CDH8: variants seen among roughly 807,000 people sequenced by gnomAD.
CDH8 encodes the protein cadherin-8.
A neutral mutation model predicts 68.1 loss-of-function variants in CDH8; 17 were observed. That is an observed-to-expected ratio of 0.25 (90% CI 0.17 to 0.37). The LOEUF (loss-of-function observed/expected upper bound fraction) is 0.37, where lower values mean the gene tolerates loss of function less well. CDH8 is among the 10% of genes least tolerant of loss of function. The probability of loss-of-function intolerance (pLI) is 1.00; values close to 1 mark genes in which losing one functional copy is unlikely to be tolerated. For missense variants in CDH8, 763 were observed against 999.3 expected (o/e 0.76, Z 3.19); for synonymous variants, 372 against 365.1 (o/e 1.02, Z -0.21).
At chr16:61,948,131 GA>G (rs1964829232) in intron 2 of CDH8, among the ~76,000 whole-genome samples, 1 of 152,170 alleles carries the variant, frequency 6.6e-6, no homozygotes, top group Admixed American at 6.5e-5. Flanking sequence ...GAAAAACTAA[GA>G]AGGTGTTTGG....
At chr16:61,801,555 C>A (rs990190920) in intron 7 of CDH8, among the ~76,000 whole-genome samples, 1 of 152,178 alleles carries the variant, frequency 6.6e-6, no homozygotes, top group Non-Finnish European at 1.5e-5. Context: ...TCTGAGGTAC[C>A]GGGTTTCTCT....
intron 7 of CDH8, among the ~76,000 whole-genome samples, chr16:61,815,195 T>G (rs913071029): frequency 6.6e-6 from 1 of 152,184 alleles, no homozygotes; most frequent in Non-Finnish European, 1.5e-5. Context: ...CCCCTTTAGC[T>G]TTCCTGAAAA....
intron 10 of CDH8, among the ~76,000 whole-genome samples, chr16:61,670,875 G>A (rs1256584403): frequency 6.6e-6 from 1 of 152,038 alleles, no homozygotes; most frequent in Non-Finnish European, 1.5e-5. Context: ...AAGGCTGCAT[G>A]AGATTTTATC....
rs529685328 is a variant in CDH8 at position 61,784,812 on chromosome 16, C to T, written c.1414+4534G>A. 2.6e-5 allele frequency among the ~76,000 whole-genome samples: 4 copies of T among 152,116 alleles called. No homozygotes were observed. In the South Asian group the frequency reaches 8.3e-4, roughly 32 times the overall value. ...TCAAAGCTGCTCAACTACATGGAAA[C>T]TGAACAACCTGCTCCTGAATGACTA... On this transcript the variant is annotated intron_variant, in intron 8 of 11. Transcript: ENST00000577390.
At chr16:62,011,508 T>A (rs1423945408) in intron 2 of CDH8, among the ~76,000 whole-genome samples, 2 of 152,162 alleles carry the variant, frequency 1.3e-5, no homozygotes, top group Admixed American at 6.5e-5. Context: ...GACCCTTTTT[T>A]AAAATTGGGT....
chr16:61,788,957 A>G (rs1961311987), intron 8 of CDH8, among the ~76,000 whole-genome samples: 1 of 152,090 alleles, frequency 6.6e-6, no homozygotes, highest in Non-Finnish European at 1.5e-5. Flanking sequence ...TGTATGATTT[A>G]AATATGTGTT....
chr16:61,975,417 T>G (rs1001297335), intron 2 of CDH8, among the ~76,000 whole-genome samples: 5 of 152,194 alleles, frequency 3.3e-5, no homozygotes, highest in African/African-American at 1.2e-4. Flanking sequence ...CTGCTCTTCA[T>G]GTCTCTGTCA....
intron 8 of CDH8, among the ~76,000 whole-genome samples, chr16:61,741,384 A>G (rs1959868074): frequency 6.6e-6 from 1 of 152,134 alleles, no homozygotes; most frequent in Non-Finnish European, 1.5e-5. Context: ...TAAATTCTTA[A>G]TTCAATCAAT....
At chr16:61,708,441 T>C (rs936818340) in intron 10 of CDH8, among the ~76,000 whole-genome samples, 2 of 152,184 alleles carry the variant, frequency 1.3e-5, no homozygotes, top group African/African-American at 4.8e-5. Context: ...TTTCAACATG[T>C]ATAAAGAAAA....
intron 2 of CDH8, among the ~76,000 whole-genome samples, chr16:61,990,955 A>G (rs1038749495): frequency 5.3e-5 from 8 of 151,528 alleles, no homozygotes; most frequent in African/African-American, 1.2e-4. Context: ...AGAGAGAGAA[A>G]AAAGAAAGAA....
intron 2 of CDH8, among the ~76,000 whole-genome samples, chr16:62,010,618 C>T (rs1418897363): frequency 6.6e-6 from 1 of 152,120 alleles, no homozygotes; most frequent in African/African-American, 2.4e-5. Context: ...TAGATACTAT[C>T]ATTTTATTCA....
chr16:61,943,073 A>G (rs149280369), intron 2 of CDH8, among the ~76,000 whole-genome samples: 47 of 152,276 alleles, frequency 3.1e-4, no homozygotes, highest in African/African-American at 1.1e-3. Flanking sequence ...AAAAGACAAA[A>G]TCAAACCAAA....
rs2142735412 is a variant in CDH8 at position 61,653,991 on chromosome 16, C to T, written c.2017G>A (p.Gly673Arg). The change falls in exon 12 of 12, where the codon GGG (glycine) becomes AGG (arginine). Residue 673 changes from glycine (G) to arginine (R), a missense_variant. By Grantham distance (125) the Gly-to-Arg change is moderately radical. Transcript: ENST00000577390. ...TCAAAAGCCTCTGTGTCCTCCTCCC[C>T]TCCTCCTTCATCATCGTAGCGAATG... ...NIIRYDDEGG[G>R]EEDTEAFDIA... 1 of 1,614,124 alleles carries T rather than the reference C, an allele frequency of 6.2e-7. No homozygotes were observed. Among genetic ancestry groups the T allele is most frequent in the Non-Finnish European group, 8.5e-7 (1 of 1,179,994 alleles).
intron 8 of CDH8, among the ~76,000 whole-genome samples, chr16:61,768,386 C>CTCTT (rs1960681618): frequency 1.2e-5 from 1 of 86,758 alleles, no homozygotes; most frequent in Non-Finnish European, 2.3e-5. Context: ...CTCTCTCTCT[C>CTCTT]TCTCTCTCCC....
At chr16:61,969,688 G>A (rs1184452126) in intron 2 of CDH8, among the ~76,000 whole-genome samples, 1 of 152,226 alleles carries the variant, frequency 6.6e-6, no homozygotes, top group Non-Finnish European at 1.5e-5. Flanking sequence ...AATAAGATGT[G>A]TATAGTCTCA....
intron 7 of CDH8, among the ~76,000 whole-genome samples, chr16:61,812,368 T>C (rs1277098029): frequency 6.6e-6 from 1 of 152,164 alleles, no homozygotes; most frequent in East Asian, 1.9e-4. Flanking sequence ...AAGAGAGGAA[T>C]TAGGACAACA....
intron 2 of CDH8, among the ~76,000 whole-genome samples, chr16:61,968,673 T>G (rs1965292485): frequency 6.6e-6 from 1 of 152,220 alleles, no homozygotes; most frequent in Non-Finnish European, 1.5e-5. Context: ...CCAAGCATAA[T>G]AAACTCTCAT....
intron 8 of CDH8, among the ~76,000 whole-genome samples, chr16:61,781,457 C>CA (rs1315617797): frequency 6.6e-6 from 1 of 151,132 alleles, no homozygotes; most frequent in Non-Finnish European, 1.5e-5. Context: ...AAAACAAAAA[C>CA]AAAAAAAACT....
intron 4 of CDH8, among the ~76,000 whole-genome samples, chr16:61,829,036 T>G (rs538973722): frequency 8.8e-4 from 133 of 151,890 alleles, no homozygotes; most frequent in Non-Finnish European, 1.2e-3. Context: ...ACCCACCCAG[T>G]GTTGGCATGT....
Sources: gnomAD v4.1 joint callset for allele counts (sites outside exome capture counted in the v4.1 genomes callset) on GRCh38, gnomAD v4.1.1 for gene constraint, MANE v1.5 for transcripts, NCBI Gene and HGNC (gene_info 2026-07-23, HGNC 2026-07-21) for gene names.